The following ENPEP variants were observed in gnomAD, a reference collection of about 807,000 sequenced individuals.
ENPEP encodes glutamyl aminopeptidase.
A neutral mutation model predicts 114.5 loss-of-function variants in ENPEP; 103 were observed. The observed-to-expected ratio is 0.90, with a 90% CI of 0.77 to 1.06. The LOEUF (loss-of-function observed/expected upper bound fraction) is 1.06. Among genes scored for constraint, ENPEP ranks in the 50% least tolerant of loss-of-function variants. The pLI is 0.00. For missense variants in ENPEP, 1,196 were observed against 1,161.3 expected (o/e 1.03, Z -0.43); for synonymous variants, 420 against 422.0 (o/e 1.00, Z 0.06).
intron 11 of ENPEP, among the ~76,000 whole-genome samples, chr4:110,532,671 C>A (rs35400392): frequency 0.37 from 55,552 of 151,766 alleles, 10,812 homozygotes; most frequent in East Asian, 0.51. Flanking sequence ...TTTACTATTA[C>A]TACAAACTAC....
rs9997349 is a variant in ENPEP at position 110,552,210 on chromosome 4, G to T, written c.2502-1105G>T. On this transcript the variant is annotated intron_variant, in intron 17 of 19. Coordinates refer to ENST00000265162, the MANE Select transcript of ENPEP (RefSeq NM_001977.4). Reference sequence around the variant, plus strand: ...CACCTCACCTTGCCTACGATGTACTGTCACTCTCCCATGCCATTTTGGCAT... The same window carrying T: ...CACCTCACCTTGCCTACGATGTACTTTCACTCTCCCATGCCATTTTGGCAT... 5.3e-5 allele frequency among the ~76,000 whole-genome samples: 8 copies of T among 152,236 alleles called. No individual in the cohort carries two copies. In the East Asian group the frequency reaches 1.2e-3, roughly 22 times the overall value.
At chr4:110,556,792 A>C (rs1297970228) in intron 18 of ENPEP, among the ~76,000 whole-genome samples, 1 of 152,118 alleles carries the variant, frequency 6.6e-6, no homozygotes, top group Non-Finnish European at 1.5e-5. Context: ...TATCTTTGTT[A>C]ATTGAATATA....
At chr4:110,534,243 T>C (rs1184397186) in intron 11 of ENPEP, among the ~76,000 whole-genome samples, 2 of 152,176 alleles carry the variant, frequency 1.3e-5, no homozygotes, top group Non-Finnish European at 2.9e-5. Flanking sequence ...TTTATTTACA[T>C]TTCTATTGTA....
chr4:110,529,549 C>A (rs1351063703), intron 10 of ENPEP, among the ~76,000 whole-genome samples: 2 of 152,146 alleles, frequency 1.3e-5, no homozygotes, highest in African/African-American at 4.8e-5. Flanking sequence ...CTTAGTCCTG[C>A]AGGAAAGTCC....
chr4:110,515,483 A>G, intron 8 of ENPEP, 41 bp downstream of exon 8: 1 of 1,435,998 alleles, frequency 7.0e-7, no homozygotes, highest in Non-Finnish European at 9.7e-7. Flanking sequence ...ATTAAACTAC[A>G]TTGATATGTG....
chr4:110,497,805 A>G lies in ENPEP; in HGVS notation c.918+6641A>G, dbSNP rs192499161. On this transcript the variant is annotated intron_variant, in intron 3 of 19. Coordinates refer to ENST00000265162, the MANE Select transcript of ENPEP (RefSeq NM_001977.4). ...GAGCAAACTAAAATTTAGAAAGAAT[A>G]TATCACATTGATAAGGCAGAACTTA... Among the ~76,000 whole-genome samples the G allele has an allele frequency of 6.9e-3, 1,047 of 152,376 alleles. 6 individuals carry two copies. Among genetic ancestry groups the G allele is most frequent in the Non-Finnish European group, 0.012 (807 of 68,036 alleles).
chr4:110,516,937 C>CATTATT (rs753227558), intron 8 of ENPEP, among the ~76,000 whole-genome samples: 1 of 151,676 alleles, frequency 6.6e-6, no homozygotes, highest in African/African-American at 2.4e-5. Context: ...TCACTGTAAG[C>CATTATT]ATTATTATTA....
intron 2 of ENPEP, among the ~76,000 whole-genome samples, chr4:110,489,623 A>G (rs1279009014): frequency 1.3e-5 from 2 of 152,104 alleles, no homozygotes; most frequent in East Asian, 3.8e-4. Context: ...AAGGCTGATA[A>G]TTTCTGCTGT....
At chr4:110,555,147 C>A (rs1465740891) in intron 18 of ENPEP, among the ~76,000 whole-genome samples, 3 of 151,860 alleles carry the variant, frequency 2.0e-5, no homozygotes, top group Non-Finnish European at 4.4e-5. Flanking sequence ...AACTCTTGCC[C>A]AAGGCTTTAG....
intron 1 of ENPEP, among the ~76,000 whole-genome samples, chr4:110,484,363 A>G (rs1724422829): frequency 6.6e-6 from 1 of 152,166 alleles, no homozygotes. Flanking sequence ...TTAGAATGTA[A>G]GAATGTTTGC....
intron 14 of ENPEP, among the ~76,000 whole-genome samples, chr4:110,548,941 C>T (rs891674453): frequency 2.0e-5 from 3 of 152,074 alleles, no homozygotes; most frequent in African/African-American, 4.8e-5. Context: ...TGCCTGCTTA[C>T]GGTAATGGGA....
At chr4:110,540,050 G>A (rs1001802637) in intron 11 of ENPEP, among the ~76,000 whole-genome samples, 1 of 152,026 alleles carries the variant, frequency 6.6e-6, no homozygotes, top group Non-Finnish European at 1.5e-5. Flanking sequence ...TCTAGAAAGA[G>A]CTCCTACTCA....
chr4:110,488,986 A>G (rs1560551713), intron 2 of ENPEP, among the ~76,000 whole-genome samples: 1 of 152,182 alleles, frequency 6.6e-6, no homozygotes, highest in Non-Finnish European at 1.5e-5. Flanking sequence ...AGATTACAGT[A>G]ATGGCAAACT....
chr4:110,517,550 A>G (rs1050247048), intron 8 of ENPEP, among the ~76,000 whole-genome samples: 2 of 152,196 alleles, frequency 1.3e-5, no homozygotes, highest in Admixed American at 1.3e-4. Context: ...AAGTACTAAG[A>G]TTCCTTGAAA....
At chr4:110,501,322 G>A (rs990207899) in intron 3 of ENPEP, among the ~76,000 whole-genome samples, 2 of 151,844 alleles carry the variant, frequency 1.3e-5, no homozygotes, top group Non-Finnish European at 2.9e-5. Flanking sequence ...GTATATGTAC[G>A]GGTTTGCTAT....
At chr4:110,528,904 C>T (rs534052360) in intron 10 of ENPEP, among the ~76,000 whole-genome samples, 2 of 152,282 alleles carry the variant, frequency 1.3e-5, no homozygotes, top group Admixed American at 6.5e-5. Flanking sequence ...AAAACTCAAT[C>T]GTTTCATTTA....
chr4:110,489,384 GAACATC>G (rs1724617896), intron 2 of ENPEP, among the ~76,000 whole-genome samples: 1 of 151,910 alleles, frequency 6.6e-6, no homozygotes, highest in African/African-American at 2.4e-5. Context: ...ACAAGGAGGG[GAACATC>G]AACACCAAGG....
intron 3 of ENPEP, among the ~76,000 whole-genome samples, chr4:110,493,637 T>C (rs1040428669): frequency 6.6e-6 from 1 of 152,162 alleles, no homozygotes; most frequent in Admixed American, 6.5e-5. Context: ...ATTTAAGGCA[T>C]CTAGTGTGAA....
In ENPEP at chr4:110,543,089, C is replaced by T. The variant is rs932339321; in HGVS notation, c.2000+19C>T. 1 of 1,601,578 alleles carries T rather than the reference C, an allele frequency of 6.2e-7. No homozygotes were observed. The highest frequency in any genetic ancestry group is 8.6e-7 in the Non-Finnish European group (1 of 1,169,280). The stretch of plus-strand genomic sequence containing the variant: ...TGGCAAGGTGCGTTTTAGAATGAGA[C>T]TAAATTACTTAAAATACTGTGGGTT... On this transcript the variant is annotated intron_variant, in intron 13 of 19. Transcript: ENST00000265162.
Sources: allele counts gnomAD v4.1 joint callset (sites outside exome capture counted in the v4.1 genomes callset), GRCh38; gene constraint gnomAD v4.1.1; transcripts MANE v1.5; gene names NCBI Gene and HGNC (gene_info 2026-07-23, HGNC 2026-07-21).